Variants in FAM83E observed in about 807,000 individuals in gnomAD.
FAM83E encodes the protein protein FAM83E.
In FAM83E, 29 loss-of-function variants were observed where a neutral mutation model predicts 34.3. The ratio of observed to expected loss-of-function variants is 0.85; its 90% CI spans 0.63 to 1.15. The LOEUF (loss-of-function observed/expected upper bound fraction) is 1.15, where lower values mean the gene tolerates loss of function less well. FAM83E is among the 50% of genes most tolerant of loss of function. The pLI is 0.00. For missense variants in FAM83E, 697 were observed against 685.0 expected, an observed-to-expected ratio of 1.02 and a Z score of -0.20; for synonymous variants, 312 against 311.6, an observed-to-expected ratio of 1.00 and a Z score of -0.01.
chr19:48,603,976 C>T (rs1249520425), intron 5 of FAM83E, 65 bp from the exon 6 acceptor site: 2 of 1,529,716 alleles, frequency 1.3e-6, no homozygotes, highest in East Asian at 2.5e-5. Flanking sequence ...CCCCCATCCT[C>T]AGCCAGGTCC....
chr19:48,605,742 G>C (rs1362700299), intron 5 of FAM83E, among the ~76,000 whole-genome samples: 1 of 151,838 alleles, frequency 6.6e-6, no homozygotes, highest in Admixed American at 6.6e-5. Flanking sequence ...GTAGAGATGG[G>C]GTTTTACCAC....
chr19:48,613,415 C>T lies in FAM83E; in HGVS notation c.-43G>A, dbSNP rs745448826. The T allele has an allele frequency of 1.4e-5, 20 of 1,473,650 alleles. 1 individual carries two copies. In the South Asian group the frequency reaches 2.6e-4, roughly 19 times the overall value. The allele number at this position is 1,473,650 out of a possible 1,614,324, so 91.3% of individuals were successfully genotyped here. ...GAGGACTGACTGTGAGAGGCTGGGT[C>T]CCCGGGGGTCTGGCTGTCTCTGGGG... On this transcript the variant is annotated 5_prime_UTR_variant, in exon 3 of 7. Coordinates refer to ENST00000263266, the MANE Select transcript of FAM83E (RefSeq NM_017708.4).
chr19:48,602,170 T>G (rs143296162), intron 6 of FAM83E, among the ~76,000 whole-genome samples: 7,418 of 71,042 alleles, frequency 0.1, 1 homozygote, highest in Middle Eastern at 0.2. Context: ...AAAAAATGGG[T>G]GGAGGAGGTA....
At chr19:48,607,729 CTT>C (rs1973961779) in intron 5 of FAM83E, 1 of 191,934 alleles carries the variant, frequency 5.2e-6, no homozygotes, top group Non-Finnish European at 1.1e-5. Context: ...TCTTTGTTTT[CTT>C]TTCTTTTTCT....
At position 48,605,030 on chromosome 19, in the gene FAM83E, A is replaced by C. The variant is rs574160161; in HGVS notation, c.759-1119T>G. 3.6e-3 allele frequency among the ~76,000 whole-genome samples: 399 copies of C among 109,318 alleles called. 7 individuals carry two copies. Among genetic ancestry groups the C allele is most frequent in the Admixed American group, 5.7e-3 (64 of 11,208 alleles). 71.7% of individuals were successfully genotyped at this position (109,318 alleles called of 152,430 possible). A position where few individuals can be genotyped will look rare whatever the true frequency, so the allele number is the denominator to read the frequency against. On this transcript the variant is annotated intron_variant, in intron 5 of 6. Coordinates refer to ENST00000263266, the MANE Select transcript of FAM83E (RefSeq NM_017708.4). ...GCGAGACTCTGACTCAAAAAAAAAA[A>C]AAAAAAAAAAAAACTTATCTGGAAT...
intron 3 of FAM83E, among the ~76,000 whole-genome samples, chr19:48,612,533 T>C (rs1974060478): frequency 4.0e-5 from 6 of 151,686 alleles, no homozygotes; most frequent in Admixed American, 3.9e-4. Context: ...GCCTCCCGAG[T>C]AGCTGGGACT....
rs765679519 is a variant in FAM83E, at chr19:48,603,634, G to A, written c.1036C>T (p.Pro346Ser). Residue 346 changes from proline to serine, a missense_variant, in exon 6 of 7, where the codon CCG (proline) becomes TCG (serine). Transcript: ENST00000263266. The part of the protein sequence containing the change: ...LAACRVSPAT[P>S]GPALSDILRS... ...AGAATGTCACTGAGTGCCGGCCCCG[G>A]GGTAGCAGGGGAGACGCGGCAGGCG... The A allele has an allele frequency of 1.5e-6, 2 of 1,371,924 alleles. No homozygotes were observed. Among genetic ancestry groups the A allele is most frequent in the East Asian group, 2.9e-5 (1 of 35,072 alleles). 85.0% of individuals were successfully genotyped at this position (1,371,924 alleles called of 1,614,324 possible).
chr19:48,603,744 C>A lies in FAM83E; in HGVS notation c.926G>T (p.Arg309Leu). ...GCGGCGGGACACGCGGTGCGGGCTG[C>A]GGCCCCGCTGCAGGCCACCTATGAC... ...PSVIGGLQRG[R>L]SPHRVSRRRS... Residue 309 changes from arginine (R) to leucine (L), a missense_variant, in exon 6 of 7, where the codon CGC (arginine) becomes CTC (leucine). Physicochemically the swap from Arg to Leu is moderately radical, Grantham distance 102. Transcript: ENST00000263266. 1 of 1,536,532 alleles carries A rather than the reference C, an allele frequency of 6.5e-7. No homozygotes were observed. Among genetic ancestry groups the A allele is most frequent in the Non-Finnish European group, 8.7e-7 (1 of 1,148,802 alleles).
In FAM83E at chr19:48,603,789, G is replaced by A. The variant is rs760063320; in HGVS notation, c.881C>T (p.Ala294Val). ...LYAASCPLPPAPPQKPSVIGG... is the reference protein window; with the variant it reads ...LYAASCPLPPVPPQKPSVIGG... Reference sequence around the variant, plus strand: ...TATGACCGAGGGTTTCTGGGGGGGCGCAGGTGGGAGCGGGCAGGAGGCCGC... The same window carrying A: ...TATGACCGAGGGTTTCTGGGGGGGCACAGGTGGGAGCGGGCAGGAGGCCGC... The change falls in exon 6 of 7, where the codon GCG becomes GTG. Residue 294 changes from alanine to valine, a missense_variant. Ala to Val is a moderately conservative substitution (Grantham distance 64, BLOSUM62 0). Coordinates refer to ENST00000263266, the MANE Select transcript of FAM83E (RefSeq NM_017708.4). 21 of 1,593,798 alleles carry A rather than the reference G, an allele frequency of 1.3e-5. No homozygotes were observed. The highest frequency in any genetic ancestry group is 5.6e-5 in the South Asian group (5 of 88,624).
At position 48,601,675 on chromosome 19, in the gene FAM83E, G is replaced by T. The variant is rs192365251; in HGVS notation, c.1177-306C>A. On this transcript the variant is annotated intron_variant, in intron 6 of 6. Coordinates refer to ENST00000263266, the MANE Select transcript of FAM83E (RefSeq NM_017708.4). ...AGCTACTCGGGAGGCTGAGGCAGGAGAATCGCTTGAACCCGGAAGGGAGAG... is the reference window on the plus strand; with the variant it reads ...AGCTACTCGGGAGGCTGAGGCAGGATAATCGCTTGAACCCGGAAGGGAGAG... Among the ~76,000 whole-genome samples the T allele has an allele frequency of 1.8e-3, 267 of 152,068 alleles. 4 individuals carry two copies. Among genetic ancestry groups the T allele is most frequent in the Middle Eastern group, 6.8e-3 (2 of 294 alleles).
Position 48,613,638 on chromosome 19 carries a change from C to T in FAM83E, c.-266G>A. The T allele has an allele frequency of 1.5e-6, 2 of 1,326,604 alleles. No homozygotes were observed. Among genetic ancestry groups the T allele is most frequent in the Non-Finnish European group, 1.9e-6 (2 of 1,039,292 alleles). 82.2% of individuals were successfully genotyped at this position (1,326,604 alleles called of 1,614,324 possible). ...CGCCACCTGCCTGCACCCAGTGGCACCATGCCTGGCTGGCCTTCCGTGACC... is the reference window on the plus strand; with the variant it reads ...CGCCACCTGCCTGCACCCAGTGGCATCATGCCTGGCTGGCCTTCCGTGACC... On this transcript the variant is annotated 5_prime_UTR_variant, in exon 3 of 7. It adds an upstream start codon to the 5' untranslated region. Coordinates refer to ENST00000263266, the MANE Select transcript of FAM83E (RefSeq NM_017708.4).
chr19:48,603,349 G>T, intron 6 of FAM83E, 145 bp downstream of exon 6: 1 of 727,108 alleles, frequency 1.4e-6, no homozygotes, highest in Non-Finnish European at 2.0e-6. Context: ...AACAAACGAT[G>T]CCATTATGAA....
chr19:48,606,625 C>T (rs1973932878), intron 5 of FAM83E: 1 of 282,342 alleles, frequency 3.5e-6, no homozygotes, highest in Non-Finnish European at 6.8e-6. Flanking sequence ...AGCCCTCTTG[C>T]GCCCCGGCAG....
Position 48,613,826 on chromosome 19 carries a change from G to A in FAM83E, c.-454C>T. 1.0e-6 allele frequency: 1 copy of A among 985,406 alleles called. No homozygotes were observed. Among genetic ancestry groups the A allele is most frequent in the Non-Finnish European group, 1.2e-6 (1 of 829,926 alleles). The allele number at this position is 985,406 out of a possible 1,614,324, so 61.0% of individuals were successfully genotyped here. ...CAGCTGTCCTGAATTTGGTCAGGCT[G>A]ACCACTTGATCATTTCCAGGCGGCA... On this transcript the variant is annotated 5_prime_UTR_variant, in exon 3 of 7. Transcript: ENST00000263266.
Position 48,613,072 on chromosome 19 carries a change from A to G in FAM83E, c.301T>C (p.Trp101Arg). 6.2e-7 allele frequency: 1 copy of G among 1,607,718 alleles called. No homozygotes were observed. The highest frequency in any genetic ancestry group is 8.5e-7 in the Non-Finnish European group (1 of 1,178,060). ...TDVDAGSLSY[W>R]PGQSEQPAPV... is the part of the protein sequence containing the mutation. ...GCCGGCTGCTCCGACTGCCCAGGCC[A>G]GTAGCTCAGGCTGCCCGCGTCCACA... The change falls in exon 3 of 7, where the codon TGG becomes CGG. Residue 101 changes from tryptophan (W) to arginine (R), a missense_variant. Coordinates refer to ENST00000263266, the MANE Select transcript of FAM83E (RefSeq NM_017708.4).
intron 3 of FAM83E, among the ~76,000 whole-genome samples, chr19:48,611,255 A>C (rs1601131936): frequency 6.9e-6 from 1 of 145,928 alleles, no homozygotes. Flanking sequence ...TGCAAACTCC[A>C]CCTCCCGGGT....
At chr19:48,612,323 G>C (rs1026157267) in intron 3 of FAM83E, among the ~76,000 whole-genome samples, 14 of 152,134 alleles carry the variant, frequency 9.2e-5, no homozygotes, top group African/African-American at 3.4e-4. Flanking sequence ...GACTGAGACT[G>C]GGGGTGTCAT....
Position 48,600,656 on chromosome 19 carries a change from T to TC in FAM83E, c.*452_*453insG. On this transcript the variant is annotated 3_prime_UTR_variant, in exon 7 of 7. Coordinates refer to ENST00000263266, the MANE Select transcript of FAM83E (RefSeq NM_017708.4). ...GCCTTTCTTTTTCTTTTTTCTTTTTTTTTTTTTTTTAAAGAGATGGCCTCT... is the reference window on the plus strand; with the variant it reads ...GCCTTTCTTTTTCTTTTTTCTTTTTTCTTTTTTTTTTAAAGAGATGGCCTCT... 6.7e-6 allele frequency among the ~76,000 whole-genome samples: 1 copy of TC among 149,510 alleles called. No homozygotes were observed. The highest frequency in any genetic ancestry group is 2.1e-4 in the South Asian group (1 of 4,710).
intron 3 of FAM83E, among the ~76,000 whole-genome samples, chr19:48,611,163 G>A (rs1160054012): frequency 6.7e-6 from 1 of 149,900 alleles, no homozygotes; most frequent in Non-Finnish European, 1.5e-5. Context: ...TGTTGTTGTT[G>A]TTTTTTGTTG....
Sources: gnomAD v4.1 joint callset for allele counts (sites outside exome capture counted in the v4.1 genomes callset) on GRCh38, gnomAD v4.1.1 for gene constraint, MANE v1.5 for transcripts, NCBI Gene and HGNC (gene_info 2026-07-23, HGNC 2026-07-21) for gene names.